The following SGCD variants were observed in gnomAD, a reference collection of about 807,000 sequenced individuals.
SGCD encodes the protein sarcoglycan delta.
SGCD carries 18 observed loss-of-function variants against 36.6 expected under a neutral mutation model. The ratio of observed to expected loss-of-function variants is 0.49; its 90% CI spans 0.34 to 0.73. The LOEUF is 0.73. Ranked by LOEUF, SGCD falls within the 30% of genes least tolerant of loss-of-function variation. SGCD has a pLI of 0.01. For missense variants in SGCD, 387 were observed against 346.7 expected (o/e 1.12, Z -0.92); for synonymous variants, 133 against 130.6 (o/e 1.02, Z -0.12).
chr5:156,713,436 A>T (rs1021971903), intron 7 of SGCD, among the ~76,000 whole-genome samples: 2 of 151,256 alleles, frequency 1.3e-5, no homozygotes, highest in South Asian at 2.1e-4. Flanking sequence ...GGAGGGAGAG[A>T]GGAGGAAAGG....
intron 3 of SGCD, among the ~76,000 whole-genome samples, chr5:156,266,203 G>A (rs1474562372): frequency 2.0e-5 from 3 of 152,170 alleles, no homozygotes; most frequent in Non-Finnish European, 4.4e-5. Flanking sequence ...GTGCTGGATA[G>A]GCTATTGACC....
At chr5:156,459,630 A>G (rs1289687726) in intron 3 of SGCD, among the ~76,000 whole-genome samples, 1 of 152,204 alleles carries the variant, frequency 6.6e-6, no homozygotes, top group Non-Finnish European at 1.5e-5. Flanking sequence ...CGCTTTGATA[A>G]GTGCTTGATG....
chr5:156,011,077 A>C (rs953525617), intron 1 of SGCD, among the ~76,000 whole-genome samples: 16 of 152,314 alleles, frequency 1.1e-4, no homozygotes, highest in African/African-American at 3.8e-4. Flanking sequence ...TGTGGCTTTT[A>C]AAAAGACACA....
intron 1 of SGCD, among the ~76,000 whole-genome samples, chr5:156,022,510 T>A (rs1162551858): frequency 6.6e-6 from 1 of 152,206 alleles, no homozygotes; most frequent in Non-Finnish European, 1.5e-5. Context: ...GCTTAATTTT[T>A]GCAACATTAT....
chr5:156,080,456 G>A (rs1299806226), intron 1 of SGCD, among the ~76,000 whole-genome samples: 2 of 152,160 alleles, frequency 1.3e-5, no homozygotes, highest in African/African-American at 2.4e-5. Context: ...CCATAATATG[G>A]CAAGGCTGCA....
At chr5:155,824,230 C>G in the SGCD span, among the ~76,000 whole-genome samples, 2 of 152,096 alleles carry the variant, frequency 1.3e-5, no homozygotes, top group African/African-American at 2.4e-5. Context: ...GGAATGTGGA[C>G]TGGGGAGCAA....
intron 3 of SGCD, among the ~76,000 whole-genome samples, chr5:156,194,252 A>AC (rs1237525891): frequency 6.6e-6 from 1 of 151,976 alleles, no homozygotes; most frequent in Non-Finnish European, 1.5e-5. Context: ...GGTGGTATAC[A>AC]CTTGTAGCCC....
chr5:156,274,718 C>A (rs565774919), intron 3 of SGCD, among the ~76,000 whole-genome samples: 1 of 152,162 alleles, frequency 6.6e-6, no homozygotes, highest in East Asian at 1.9e-4. Flanking sequence ...CAACAGAGAC[C>A]ACAGAGGGTA....
At chr5:155,780,715 A>G in the SGCD span, among the ~76,000 whole-genome samples, 1 of 152,188 alleles carries the variant, frequency 6.6e-6, no homozygotes, top group African/African-American at 2.4e-5. Context: ...GTTGAATATG[A>G]ATGATTTAGT....
chr5:156,722,783 G>A (rs1295228805), intron 7 of SGCD, among the ~76,000 whole-genome samples: 1 of 152,106 alleles, frequency 6.6e-6, no homozygotes, highest in Non-Finnish European at 1.5e-5. Flanking sequence ...GGGATGTTTT[G>A]TATTATAACA....
intron 2 of SGCD, among the ~76,000 whole-genome samples, chr5:156,122,071 A>G (rs1451360786): frequency 1.3e-5 from 2 of 152,162 alleles, no homozygotes; most frequent in Non-Finnish European, 2.9e-5. Context: ...GCCCAACACT[A>G]GAAGACATTC....
At chr5:156,622,435 AAATAATAATAATAAT>A (rs56979795) in intron 6 of SGCD, among the ~76,000 whole-genome samples, 71 of 137,074 alleles carry the variant, frequency 5.2e-4, no homozygotes, top group African/African-American at 1.2e-3. Context: ...TCTGTCTAAA[AAATAATAATAATAAT>A]AATAATAATA....
At chr5:156,461,649 G>A (rs1172116175) in intron 3 of SGCD, among the ~76,000 whole-genome samples, 2 of 151,882 alleles carry the variant, frequency 1.3e-5, no homozygotes, top group Non-Finnish European at 2.9e-5. Flanking sequence ...TATCAGGAAA[G>A]ATAAGGACTC....
At chr5:156,622,122 C>G (rs964721623) in intron 6 of SGCD, among the ~76,000 whole-genome samples, 1 of 152,014 alleles carries the variant, frequency 6.6e-6, no homozygotes, top group African/African-American at 2.4e-5. Context: ...TATAAAGTGC[C>G]TATACTTTTA....
chr5:155,934,713 C>G (rs1250135473), intron 1 of SGCD, among the ~76,000 whole-genome samples: 1 of 152,186 alleles, frequency 6.6e-6, no homozygotes, highest in Non-Finnish European at 1.5e-5. Flanking sequence ...ACTCCTCACT[C>G]TATGATTTAG....
the SGCD span, among the ~76,000 whole-genome samples, chr5:155,734,471 C>A: frequency 2.0e-5 from 3 of 152,042 alleles, no homozygotes; most frequent in African/African-American, 4.8e-5. Flanking sequence ...CTTGGCCTCG[C>A]AAAGTTTTGG....
At chr5:156,377,573 G>A (rs935102612) in intron 3 of SGCD, among the ~76,000 whole-genome samples, 5 of 152,100 alleles carry the variant, frequency 3.3e-5, no homozygotes, top group African/African-American at 9.7e-5. Context: ...CCTAGTGCAC[G>A]ACAGGCTTTC....
intron 3 of SGCD, among the ~76,000 whole-genome samples, chr5:156,304,375 C>T (rs1345505009): frequency 1.3e-5 from 2 of 152,178 alleles, no homozygotes; most frequent in African/African-American, 2.4e-5. Flanking sequence ...GAATAAGTCT[C>T]ATGAGATCTG....
At chr5:155,828,966 C>T in the SGCD span, among the ~76,000 whole-genome samples, 1 of 152,098 alleles carries the variant, frequency 6.6e-6, no homozygotes, top group South Asian at 2.1e-4. Flanking sequence ...GGATTACAGG[C>T]TTCAAATCAC....
Sources: gnomAD v4.1 joint callset for allele counts (sites outside exome capture counted in the v4.1 genomes callset) on GRCh38, gnomAD v4.1.1 for gene constraint, MANE v1.5 for transcripts, NCBI Gene and HGNC (gene_info 2026-07-23, HGNC 2026-07-21) for gene names.